NRXN3: variants seen among roughly 807,000 people sequenced by gnomAD.
The protein encoded by NRXN3 is neurexin 3.
Under a neutral mutation model 137.6 loss-of-function variants are expected in NRXN3, and 32 were observed. The observed-to-expected ratio is 0.23, with a 90% CI of 0.18 to 0.31. The LOEUF (loss-of-function observed/expected upper bound fraction) is 0.31. Among genes scored for constraint, NRXN3 ranks in the 10% least tolerant of loss-of-function variants. The pLI is 1.00. For synonymous variants in NRXN3, 798 were observed against 784.5 expected (o/e 1.02, Z -0.29); for missense variants, 1,574 against 2,062.5 (o/e 0.76, Z 4.59).
intron 4 of NRXN3, among the ~76,000 whole-genome samples, chr14:78,450,809 C>A (rs2094533301): frequency 6.6e-6 from 1 of 152,164 alleles, no homozygotes; most frequent in Non-Finnish European, 1.5e-5. Context: ...CCTGGAATTA[C>A]ATGGTGGCGC....
chr14:78,649,568 T>TC (rs2097719846), intron 5 of NRXN3, among the ~76,000 whole-genome samples: 1 of 151,758 alleles, frequency 6.6e-6, no homozygotes, highest in South Asian at 2.1e-4. Context: ...AAATGCTTTT[T>TC]TTTTTTTTTT....
intron 16 of NRXN3, among the ~76,000 whole-genome samples, chr14:79,545,797 G>T (rs2097313858): frequency 6.6e-6 from 1 of 151,872 alleles, no homozygotes; most frequent in Non-Finnish European, 1.5e-5. Context: ...ATATTCACTG[G>T]TGAAGACATA....
chr14:79,084,747 A>T (rs970527151), intron 15 of NRXN3, among the ~76,000 whole-genome samples: 1 of 152,026 alleles, frequency 6.6e-6, no homozygotes, highest in African/African-American at 2.4e-5. Context: ...AATCGTATTG[A>T]TTTTTTTAAA....
intron 3 of NRXN3, 79 bp downstream of exon 3, chr14:78,278,741 T>C: frequency 1.7e-6 from 2 of 1,200,972 alleles, no homozygotes; most frequent in Non-Finnish European, 2.4e-6. Context: ...TGAGTGAGAC[T>C]TTTATAGAGA....
chr14:79,747,565 A>T (rs1045822024), intron 19 of NRXN3, among the ~76,000 whole-genome samples: 3 of 152,092 alleles, frequency 2.0e-5, no homozygotes, highest in Non-Finnish European at 4.4e-5. Context: ...ACTACAAAGG[A>T]CAAGGACTGA....
intron 4 of NRXN3, among the ~76,000 whole-genome samples, chr14:78,540,468 G>C (rs1299771621): frequency 2.6e-5 from 3 of 115,716 alleles, no homozygotes; most frequent in Non-Finnish European, 5.2e-5. Context: ...CCATTTGCTT[G>C]GTAGATCTTC....
At chr14:78,821,200 G>A (rs912879961) in intron 10 of NRXN3, among the ~76,000 whole-genome samples, 6 of 152,060 alleles carry the variant, frequency 3.9e-5, no homozygotes, top group African/African-American at 1.4e-4. Context: ...GAATAGGAGT[G>A]GAATGAAATT....
At chr14:78,977,761 T>G (rs1452394382) in intron 14 of NRXN3, among the ~76,000 whole-genome samples, 1 of 152,192 alleles carries the variant, frequency 6.6e-6, no homozygotes, top group Non-Finnish European at 1.5e-5. Flanking sequence ...TCAAGAGCAG[T>G]GCTGTGCTAG....
At chr14:79,788,634 A>G (rs760178444) in intron 19 of NRXN3, among the ~76,000 whole-genome samples, 7 of 152,206 alleles carry the variant, frequency 4.6e-5, no homozygotes, top group Non-Finnish European at 8.8e-5. Flanking sequence ...GACTGAGCTC[A>G]TGTTTTCTGA....
chr14:78,543,585 A>G (rs1276744536), intron 4 of NRXN3, among the ~76,000 whole-genome samples: 1 of 152,068 alleles, frequency 6.6e-6, no homozygotes, highest in Non-Finnish European at 1.5e-5. Flanking sequence ...GGGAGGTTGG[A>G]GAGAGTTGGC....
chr14:79,065,255 C>T (rs1211796662), intron 15 of NRXN3, among the ~76,000 whole-genome samples: 4 of 151,874 alleles, frequency 2.6e-5, no homozygotes, highest in Admixed American at 6.6e-5. Context: ...AGACGGATAA[C>T]ATTTGATTTA....
At chr14:79,248,073 A>C (rs1253008040) in intron 15 of NRXN3, among the ~76,000 whole-genome samples, 1 of 152,122 alleles carries the variant, frequency 6.6e-6, no homozygotes, top group Non-Finnish European at 1.5e-5. Flanking sequence ...GGCTCAAGTG[A>C]TCATTTTGCC....
At chr14:79,386,799 T>A (rs1007705110) in intron 15 of NRXN3, among the ~76,000 whole-genome samples, 13 of 152,080 alleles carry the variant, frequency 8.5e-5, no homozygotes, top group South Asian at 4.2e-4. Flanking sequence ...ATAATGCCGC[T>A]TATCTACAAC....
chr14:78,454,014 A>T (rs995308819), intron 4 of NRXN3, among the ~76,000 whole-genome samples: 3 of 152,190 alleles, frequency 2.0e-5, no homozygotes, highest in Non-Finnish European at 2.9e-5. Context: ...TTGTTGCCCT[A>T]AAAAACTAAT....
At chr14:79,407,279 A>G (rs1007963305) in intron 15 of NRXN3, among the ~76,000 whole-genome samples, 12 of 152,162 alleles carry the variant, frequency 7.9e-5, no homozygotes, top group African/African-American at 2.9e-4. Flanking sequence ...CAAACACATA[A>G]TAAATGCTCA....
intron 15 of NRXN3, among the ~76,000 whole-genome samples, chr14:79,282,220 C>T (rs555031022): frequency 2.2e-4 from 33 of 151,532 alleles, no homozygotes; most frequent in African/African-American, 7.3e-4. Context: ...CTGGGGGGAG[C>T]GGGTAAGACA....
At chr14:79,421,486 G>GGTAGT (rs1448754982) in intron 15 of NRXN3, among the ~76,000 whole-genome samples, 6 of 152,106 alleles carry the variant, frequency 3.9e-5, no homozygotes, top group Non-Finnish European at 8.8e-5. Context: ...AAAATGTCCT[G>GGTAGT]GTAGTGTGTG....
intron 20 of NRXN3, among the ~76,000 whole-genome samples, chr14:79,842,711 C>A (rs2099358635): frequency 6.6e-6 from 1 of 152,070 alleles, no homozygotes; most frequent in Non-Finnish European, 1.5e-5. Context: ...ATTAACATAT[C>A]TATCATCTCA....
intron 4 of NRXN3, among the ~76,000 whole-genome samples, chr14:78,483,163 C>CTT (rs1183755400): frequency 6.6e-6 from 1 of 152,176 alleles, no homozygotes; most frequent in Non-Finnish European, 1.5e-5. Context: ...CACATCAAGA[C>CTT]TTTGGCTTAA....
Sources: allele counts gnomAD v4.1 joint callset (sites outside exome capture counted in the v4.1 genomes callset), GRCh38; gene constraint gnomAD v4.1.1; transcripts MANE v1.5; gene names NCBI Gene and HGNC (gene_info 2026-07-23, HGNC 2026-07-21).